Variants in PLD5 observed in about 807,000 individuals in gnomAD.
The protein encoded by PLD5 is inactive phospholipase D5.
In PLD5, 36 loss-of-function variants were observed where a neutral mutation model predicts 61.1. That is an observed-to-expected ratio of 0.59 (90% CI 0.45 to 0.78). The LOEUF is 0.78. Ranked by LOEUF, PLD5 falls within the 30% of genes least tolerant of loss-of-function variation. The pLI, the probability that PLD5 is intolerant of heterozygous loss-of-function variation, is 0.00. For synonymous variants in PLD5, 243 were observed against 242.8 expected (o/e 1.00, Z -0.01); for missense variants, 515 against 644.4 (o/e 0.80, Z 2.17).
At chr1:242,145,595 C>CT (rs941554095) in intron 5 of PLD5, among the ~76,000 whole-genome samples, 1 of 151,978 alleles carries the variant, frequency 6.6e-6, no homozygotes, top group African/African-American at 2.4e-5. Flanking sequence ...ATGATAAGAA[C>CT]TTTTTTTTAA....
intron 1 of PLD5, among the ~76,000 whole-genome samples, chr1:242,428,915 A>G (rs1176167161): frequency 6.6e-6 from 1 of 152,206 alleles, no homozygotes; most frequent in Non-Finnish European, 1.5e-5. Flanking sequence ...GTCAGCAGTC[A>G]TTGCCCTCGG....
intron 1 of PLD5, among the ~76,000 whole-genome samples, chr1:242,357,556 G>A (rs1417846560): frequency 6.6e-6 from 1 of 150,958 alleles, no homozygotes; most frequent in Non-Finnish European, 1.5e-5. Context: ...CATTATCTTG[G>A]CTCACTGCAA....
chr1:242,239,829 G>A (rs1671881094), intron 4 of PLD5, among the ~76,000 whole-genome samples: 1 of 152,134 alleles, frequency 6.6e-6, no homozygotes, highest in East Asian at 1.9e-4. Flanking sequence ...GTAATCATGG[G>A]CATCTAATAC....
At chr1:242,352,192 T>A (rs1413652137) in intron 1 of PLD5, among the ~76,000 whole-genome samples, 2 of 152,140 alleles carry the variant, frequency 1.3e-5, no homozygotes, top group East Asian at 3.8e-4. Flanking sequence ...TTGTACCCTT[T>A]GATTATCATC....
chr1:242,424,239 T>A (rs1051314591), intron 1 of PLD5, among the ~76,000 whole-genome samples: 8 of 152,304 alleles, frequency 5.3e-5, no homozygotes, highest in Non-Finnish European at 1.0e-4. Flanking sequence ...CTACTGATAA[T>A]GTTACTATGT....
At chr1:242,263,437 G>A (rs1207382704) in intron 4 of PLD5, among the ~76,000 whole-genome samples, 1 of 150,886 alleles carries the variant, frequency 6.6e-6, no homozygotes, top group African/African-American at 2.5e-5. Flanking sequence ...TTTCTAAAAT[G>A]CACTGTGATC....
chr1:242,483,108 C>A (rs1486646226), intron 1 of PLD5, among the ~76,000 whole-genome samples: 1 of 152,164 alleles, frequency 6.6e-6, no homozygotes, highest in Non-Finnish European at 1.5e-5. Flanking sequence ...AAAAACATGC[C>A]AAATTGTAAA....
Position 242,357,642 on chromosome 1 carries a change from C to T in PLD5, c.190-9400G>A, listed in dbSNP as rs570749591. On this transcript the variant is annotated intron_variant, in intron 1 of 9. Coordinates refer to ENST00000536534, the MANE Select transcript of PLD5 (RefSeq NM_001372062.1). The stretch of plus-strand genomic sequence containing the variant: ...CTGGGATTACAGGTGCCCGCCACCA[C>T]ACCTGGCTAATTTTTTGTATTTGTA... 5.9e-5 allele frequency among the ~76,000 whole-genome samples: 9 copies of T among 152,078 alleles called. No homozygotes were observed. The East Asian group carries it at 1.4e-3, about 23-fold the overall frequency.
intron 1 of PLD5, among the ~76,000 whole-genome samples, chr1:242,520,315 G>A (rs1303210741): frequency 6.6e-6 from 1 of 152,196 alleles, no homozygotes; most frequent in African/African-American, 2.4e-5. Flanking sequence ...GATATGTGAG[G>A]TGGAAAGTAT....
At chr1:242,190,631 C>G (rs1015250552) in intron 5 of PLD5, among the ~76,000 whole-genome samples, 2 of 151,800 alleles carry the variant, frequency 1.3e-5, no homozygotes, top group African/African-American at 4.8e-5. Context: ...GCTGTAACAT[C>G]AGCACTTTGG....
Position 242,508,331 on chromosome 1 carries a change from C to A in PLD5, c.189+15757G>T, listed in dbSNP as rs535495117. ...GAGGCTGCAGTGAGCTGAGATCGTG[C>A]CATTGCACTCCAGCCTGGGCAACAG... On this transcript the variant is annotated intron_variant, in intron 1 of 9. Coordinates refer to ENST00000536534, the MANE Select transcript of PLD5 (RefSeq NM_001372062.1). Among the ~76,000 whole-genome samples, 346 of 152,090 alleles carry A rather than the reference C, an allele frequency of 2.3e-3. 2 individuals carry two copies. Among genetic ancestry groups the A allele is most frequent in the African/African-American group, 7.3e-3 (301 of 41,462 alleles).
At chr1:242,396,532 G>T (rs939081842) in intron 1 of PLD5, among the ~76,000 whole-genome samples, 3 of 151,974 alleles carry the variant, frequency 2.0e-5, no homozygotes, top group African/African-American at 7.3e-5. Flanking sequence ...GGGTGTCAAG[G>T]TTATGAACAA....
At chr1:242,363,598 T>C (rs1661189296) in intron 1 of PLD5, among the ~76,000 whole-genome samples, 1 of 151,782 alleles carries the variant, frequency 6.6e-6, no homozygotes, top group Non-Finnish European at 1.5e-5. Context: ...CTCTGGCATC[T>C]AGTAATATCT....
chr1:242,468,237 G>T (rs1330613021), intron 1 of PLD5, among the ~76,000 whole-genome samples: 1 of 152,152 alleles, frequency 6.6e-6, no homozygotes, highest in Admixed American at 6.5e-5. Flanking sequence ...TTTGAACAGA[G>T]CCATTTTTAA....
intron 1 of PLD5, among the ~76,000 whole-genome samples, chr1:242,401,861 C>A (rs1017778302): frequency 1.3e-5 from 2 of 152,208 alleles, no homozygotes; most frequent in Non-Finnish European, 1.5e-5. Context: ...AGGGACCCTG[C>A]TTGTCCTGTT....
intron 2 of PLD5, among the ~76,000 whole-genome samples, chr1:242,316,176 T>C (rs1657952650): frequency 6.6e-6 from 1 of 152,268 alleles, no homozygotes; most frequent in African/African-American, 2.4e-5. Context: ...ATGTAATAAA[T>C]GCCAGTTGTC....
intron 2 of PLD5, among the ~76,000 whole-genome samples, chr1:242,329,178 T>C (rs1287655995): frequency 6.6e-6 from 1 of 152,026 alleles, no homozygotes; most frequent in Non-Finnish European, 1.5e-5. Context: ...ACCTGGCTAA[T>C]TTTTATATTT....
rs539805271 is a variant in PLD5, at chr1:242,420,483, C to A, written c.190-72241G>T. ...TCTTTCTTTAGATACTAAAAACATC[C>A]TTAAGCATCATTATCTTAATAGTAG... On this transcript the variant is annotated intron_variant, in intron 1 of 9. Transcript: ENST00000536534. 2.6e-5 allele frequency among the ~76,000 whole-genome samples: 4 copies of A among 152,280 alleles called. No homozygotes were observed. In the South Asian group the frequency reaches 8.3e-4, roughly 32 times the overall value.
chr1:242,143,392 T>G (rs12093917), intron 5 of PLD5, among the ~76,000 whole-genome samples: 3,818 of 152,164 alleles, frequency 0.025, 168 homozygotes, highest in African/African-American at 0.087. Context: ...ATAGATAGGC[T>G]TTTGCCAAGT....
Sources: gnomAD v4.1 joint callset for allele counts (sites outside exome capture counted in the v4.1 genomes callset) on GRCh38, gnomAD v4.1.1 for gene constraint, MANE v1.5 for transcripts, NCBI Gene and HGNC (gene_info 2026-07-23, HGNC 2026-07-21) for gene names.